P2RX5: variants seen among roughly 807,000 people sequenced by gnomAD.
P2RX5 encodes the protein P2X purinoceptor 5.
In P2RX5, 46 loss-of-function variants were observed where a neutral mutation model predicts 54.1. The ratio of observed to expected loss-of-function variants is 0.85; its 90% CI spans 0.67 to 1.09. The LOEUF is 1.09. Ranked by LOEUF, P2RX5 falls within the 50% of genes least tolerant of loss-of-function variation. P2RX5 has a pLI of 0.00. For synonymous variants in P2RX5, 226 were observed against 226.4 expected (o/e 1.00, Z 0.02); for missense variants, 566 against 549.8 (o/e 1.03, Z -0.29).
chr17:3,715,059 C>T, the P2RX5 span: 1 of 632,706 alleles, frequency 1.6e-6, no homozygotes, highest in East Asian at 2.7e-5. Context: ...CTCATACTTA[C>T]TACTCCCTTC....
In P2RX5 at chr17:3,676,525, T is replaced by G. The variant is rs1410167722; in HGVS notation, c.1260-2648A>C. ...AACTTAAATCAGCTGAGCATACTGC[T>G]GCTTTCAGGGTGGGGGAGGAAGCCT... On this transcript the variant is annotated intron_variant, in intron 11 of 11. Transcript: ENST00000225328. The G allele has an allele frequency of 5.1e-6, 5 of 985,434 alleles. No individual in the cohort carries two copies. The East Asian group carries it at 4.5e-4, about 89-fold the overall frequency. 61.0% of individuals were successfully genotyped at this position (985,434 alleles called of 1,614,324 possible).
At chr17:3,695,104 C>G (rs942871133) in intron 1 of P2RX5, among the ~76,000 whole-genome samples, 2 of 152,346 alleles carry the variant, frequency 1.3e-5, no homozygotes, top group African/African-American at 2.4e-5. Context: ...ACCGCATTTA[C>G]TGAACGAGTG....
chr17:3,691,587 C>T, intron 2 of P2RX5, 57 bp downstream of exon 2: 1 of 1,609,456 alleles, frequency 6.2e-7, no homozygotes, highest in Non-Finnish European at 8.5e-7. Flanking sequence ...CCGTGTGACC[C>T]ACCCGAACCA....
upstream of P2RX5, among the ~76,000 whole-genome samples, chr17:3,698,141 G>A (rs2050791991): frequency 6.6e-6 from 1 of 151,870 alleles, no homozygotes; most frequent in Admixed American, 6.6e-5. Context: ...TCTCCTGCCA[G>A]CCTCCTCCTC....
chr17:3,673,782 A>G lies in P2RX5; in HGVS notation c.*86T>C. On this transcript the variant is annotated 3_prime_UTR_variant, in exon 12 of 12. Transcript: ENST00000225328. ...CCAATGTACAAATTTCCCGTTGGGC[A>G]GCATCCTGGGATTCCCAAAGGCATG... 4 of 1,611,940 alleles carry G rather than the reference A, an allele frequency of 2.5e-6. No homozygotes were observed. In the Admixed American group the frequency reaches 5.0e-5, roughly 20 times the overall value.
chr17:3,716,397 T>C, the P2RX5 span, among the ~76,000 whole-genome samples: 3 of 152,174 alleles, frequency 2.0e-5, no homozygotes, highest in South Asian at 2.1e-4. Flanking sequence ...CCAGGCCCTA[T>C]TGAACTCACA....
At chr17:3,698,575 C>T (rs1597280338), upstream of P2RX5, among the ~76,000 whole-genome samples, 1 of 152,282 alleles carries the variant, frequency 6.6e-6, no homozygotes. Flanking sequence ...TTCATCAAAC[C>T]TTTGTGTGCT....
At chr17:3,685,086 T>C (rs1328789845) in intron 9 of P2RX5, among the ~76,000 whole-genome samples, 3 of 152,054 alleles carry the variant, frequency 2.0e-5, no homozygotes, top group Non-Finnish European at 4.4e-5. Flanking sequence ...CCTCAGGTGA[T>C]CCGCCACCTC....
At chr17:3,706,388 C>A in the P2RX5 span, among the ~76,000 whole-genome samples, 1 of 152,078 alleles carries the variant, frequency 6.6e-6, no homozygotes, top group Non-Finnish European at 1.5e-5. Context: ...AGCCACTGTG[C>A]CTGGCCCATA....
At chr17:3,699,922 GAAA>G (rs1567744403), upstream of P2RX5, among the ~76,000 whole-genome samples, 3,557 of 63,356 alleles carry the variant, frequency 0.056, 154 homozygotes, top group African/African-American at 0.082. Flanking sequence ...AGGAAGGAAA[GAAA>G]GAAAGAAAGA....
chr17:3,701,346 T>C, the P2RX5 span, among the ~76,000 whole-genome samples: 1 of 152,200 alleles, frequency 6.6e-6, no homozygotes, highest in Non-Finnish European at 1.5e-5. Flanking sequence ...TGGACACCTC[T>C]GGTCTAGTTG....
intron 9 of P2RX5, among the ~76,000 whole-genome samples, chr17:3,684,734 G>T (rs1344664355): frequency 6.6e-6 from 1 of 152,068 alleles, no homozygotes; most frequent in Non-Finnish European, 1.5e-5. Flanking sequence ...ATGTTTAAGG[G>T]CATGTCCAAG....
At chr17:3,714,843 G>A in the P2RX5 span, 2 of 1,570,018 alleles carry the variant, frequency 1.3e-6, no homozygotes, top group Admixed American at 1.7e-5. Flanking sequence ...GTGGATAGCA[G>A]GTCCTAATTC....
At position 3,691,720 on chromosome 17, in the gene P2RX5, T is replaced by C; in HGVS notation, c.212A>G (p.Lys71Arg). ...SLQSAVITKV[K>R]GVAFTNTSDL... ...CGAGGTGTTGGTGAAGGCCACGCCCTTGACTTTGGTGATGACAGCACTCTG... is the reference window on the plus strand; with the variant it reads ...CGAGGTGTTGGTGAAGGCCACGCCCCTGACTTTGGTGATGACAGCACTCTG... Residue 71 changes from lysine (K) to arginine (R), a missense_variant, in exon 2 of 12, where the codon AAG (lysine) becomes AGG (arginine). Physicochemically the swap from Lys to Arg is conservative, Grantham distance 26. Transcript: ENST00000225328. The C allele has an allele frequency of 6.2e-7, 1 of 1,614,220 alleles. No individual in the cohort carries two copies. The highest frequency in any genetic ancestry group is 8.5e-7 in the Non-Finnish European group (1 of 1,180,034).
chr17:3,723,724 C>T, the P2RX5 span: 1 of 1,606,320 alleles, frequency 6.2e-7, no homozygotes, highest in Non-Finnish European at 8.5e-7. Context: ...GCTCCTGACT[C>T]CAGGTGCACA....
At position 3,691,042 on chromosome 17, in the gene P2RX5, A is replaced by G. The variant is rs1262444462; in HGVS notation, c.289-15T>C. 6.2e-7 allele frequency: 1 copy of G among 1,601,054 alleles called. No homozygotes were observed. Among genetic ancestry groups the G allele is most frequent in the Non-Finnish European group, 8.5e-7 (1 of 1,169,990 alleles). On this transcript the variant is annotated splice_polypyrimidine_tract_variant and intron_variant, in intron 2 of 11. Transcript: ENST00000225328. Reference sequence around the variant, plus strand: ...ACGTTCTCTCCCTAAGGAACCAGAGAGGCACTGAGGAACCTCCTCCTGCCC... The same window carrying G: ...ACGTTCTCTCCCTAAGGAACCAGAGGGGCACTGAGGAACCTCCTCCTGCCC...
intron 6 of P2RX5, 141 bp from the exon 7 acceptor site, chr17:3,689,771 C>T (rs1328428022): frequency 7.5e-6 from 8 of 1,062,576 alleles, no homozygotes; most frequent in Non-Finnish European, 1.2e-5. Context: ...GGGGAAGGGG[C>T]GCCCCAGCAC....
At chr17:3,715,754 C>G in the P2RX5 span, among the ~76,000 whole-genome samples, 20 of 152,096 alleles carry the variant, frequency 1.3e-4, no homozygotes, top group African/African-American at 4.8e-4. Context: ...CCCAGTTACT[C>G]AGGAGACTAA....
At chr17:3,688,372 G>T (rs974302413) in intron 8 of P2RX5, among the ~76,000 whole-genome samples, 4 of 152,222 alleles carry the variant, frequency 2.6e-5, no homozygotes, top group Admixed American at 2.6e-4. Flanking sequence ...GGATGGAAAG[G>T]ATGCGGCAGA....
Sources: gnomAD v4.1 joint callset for allele counts (sites outside exome capture counted in the v4.1 genomes callset) on GRCh38, gnomAD v4.1.1 for gene constraint, MANE v1.5 for transcripts, NCBI Gene and HGNC (gene_info 2026-07-23, HGNC 2026-07-21) for gene names.